CDK14: variants seen among roughly 807,000 people sequenced by gnomAD.
CDK14 encodes the protein cyclin dependent kinase 14, also known as cyclin-dependent kinase 14.
CDK14 carries 34 observed loss-of-function variants against 60.7 expected under a neutral mutation model. The ratio of observed to expected loss-of-function variants is 0.56; its 90% CI spans 0.43 to 0.75. CDK14 has a LOEUF of 0.75. Among genes scored for constraint, CDK14 ranks in the 30% least tolerant of loss-of-function variants. CDK14 has a pLI of 0.00. For synonymous variants in CDK14, 197 were observed against 203.7 expected (o/e 0.97, Z 0.28); for missense variants, 482 against 564.1 (o/e 0.85, Z 1.47).
intron 3 of CDK14, among the ~76,000 whole-genome samples, chr7:90,739,548 T>C (rs1803263284): frequency 6.6e-6 from 1 of 152,224 alleles, no homozygotes; most frequent in African/African-American, 2.4e-5. Flanking sequence ...ATATCGTTTT[T>C]AGAAAATTAT....
chr7:90,923,700 G>A (rs1793323968), intron 8 of CDK14, among the ~76,000 whole-genome samples: 1 of 152,212 alleles, frequency 6.6e-6, no homozygotes, highest in Admixed American at 6.5e-5. Context: ...GCATAGGACT[G>A]ATCATCTTAT....
chr7:90,822,419 T>G (rs1378936783), intron 5 of CDK14, among the ~76,000 whole-genome samples: 1 of 152,140 alleles, frequency 6.6e-6, no homozygotes, highest in East Asian at 1.9e-4. Context: ...AGCTGCTGTT[T>G]CCCTCTCCTC....
chr7:91,079,374 A>G, intron 11 of CDK14, 58 bp from the exon 12 acceptor site: 2 of 1,179,402 alleles, frequency 1.7e-6, no homozygotes, highest in South Asian at 1.4e-5. Flanking sequence ...TTTTCAACAT[A>G]CTTGTAATAT....
intron 4 of CDK14, among the ~76,000 whole-genome samples, chr7:90,765,516 A>G (rs189408161): frequency 1.3e-5 from 2 of 152,326 alleles, no homozygotes; most frequent in East Asian, 3.9e-4. Context: ...GAGAGTTTCA[A>G]AGAGCATGGA....
chr7:91,002,601 T>C (rs961980770), intron 10 of CDK14, among the ~76,000 whole-genome samples: 7 of 152,224 alleles, frequency 4.6e-5, no homozygotes, highest in African/African-American at 9.6e-5. Flanking sequence ...TGTCAGTTAC[T>C]GTGTTAGAAC....
At chr7:91,187,486 A>G (rs1367854029) in intron 14 of CDK14, among the ~76,000 whole-genome samples, 2 of 152,210 alleles carry the variant, frequency 1.3e-5, no homozygotes, top group African/African-American at 4.8e-5. Context: ...CAGGAAGAGT[A>G]AAGGAACCAA....
At chr7:90,671,728 T>G (rs1007988047) in intron 2 of CDK14, among the ~76,000 whole-genome samples, 7 of 152,238 alleles carry the variant, frequency 4.6e-5, no homozygotes, top group African/African-American at 1.7e-4. Context: ...TCTCTCCTGA[T>G]GCTCAATGGA....
intron 11 of CDK14, among the ~76,000 whole-genome samples, chr7:91,073,755 C>T (rs977601069): frequency 1.3e-5 from 2 of 150,812 alleles, no homozygotes; most frequent in Non-Finnish European, 2.9e-5. Context: ...CCCACGAGAC[C>T]CATCTCATGT....
chr7:91,032,181 C>T (rs1313108645), intron 10 of CDK14, among the ~76,000 whole-genome samples: 1 of 152,150 alleles, frequency 6.6e-6, no homozygotes, highest in South Asian at 2.1e-4. Context: ...GATGCACACT[C>T]ATAAAATAAT....
At chr7:90,784,508 C>G (rs1220284676) in intron 4 of CDK14, among the ~76,000 whole-genome samples, 1 of 152,100 alleles carries the variant, frequency 6.6e-6, no homozygotes, top group Non-Finnish European at 1.5e-5. Context: ...ATGTTTATAT[C>G]AATAGCATAT....
intron 2 of CDK14, among the ~76,000 whole-genome samples, chr7:90,606,139 A>G (rs1788483010): frequency 6.6e-6 from 1 of 152,158 alleles, no homozygotes. Flanking sequence ...GGAAATAATA[A>G]TTTTCCCACT....
intron 12 of CDK14, among the ~76,000 whole-genome samples, chr7:91,095,249 A>G (rs997598481): frequency 6.6e-6 from 1 of 152,224 alleles, no homozygotes; most frequent in Non-Finnish European, 1.5e-5. Context: ...CTTAGCGCCT[A>G]CAACAGAGCC....
At chr7:90,849,129 G>A (rs1487833487) in intron 5 of CDK14, among the ~76,000 whole-genome samples, 3 of 152,076 alleles carry the variant, frequency 2.0e-5, no homozygotes, top group Admixed American at 1.3e-4. Context: ...TCGTGGGGGC[G>A]GATCCCTCAT....
intron 10 of CDK14, among the ~76,000 whole-genome samples, chr7:91,005,810 T>C (rs900005582): frequency 6.6e-6 from 1 of 152,248 alleles, no homozygotes. Flanking sequence ...ATTAACGTTA[T>C]GTAAAACAGA....
At chr7:90,981,510 G>A (rs1365832050) in intron 9 of CDK14, among the ~76,000 whole-genome samples, 3 of 152,212 alleles carry the variant, frequency 2.0e-5, no homozygotes, top group African/African-American at 7.2e-5. Flanking sequence ...CAATAGGGAA[G>A]CAATTTCTGC....
At chr7:91,096,065 C>CAAAAA (rs112016367) in intron 12 of CDK14, among the ~76,000 whole-genome samples, 4,760 of 64,520 alleles carry the variant, frequency 0.074, 506 homozygotes, top group Non-Finnish European at 0.091. Context: ...CACAATTTGC[C>CAAAAA]AAAAAAAAAA....
intron 5 of CDK14, among the ~76,000 whole-genome samples, chr7:90,816,989 GT>G (rs1320941223): frequency 3.9e-5 from 6 of 152,166 alleles, no homozygotes; most frequent in Admixed American, 3.9e-4. Context: ...AGATCTGGCA[GT>G]GAATCACTTA....
intron 10 of CDK14, among the ~76,000 whole-genome samples, chr7:90,994,793 A>C (rs1795634432): frequency 6.6e-6 from 1 of 152,198 alleles, no homozygotes; most frequent in African/African-American, 2.4e-5. Context: ...TGGATGTGTC[A>C]GACTGAAAAA....
At chr7:91,063,997 T>C (rs996199966) in intron 11 of CDK14, among the ~76,000 whole-genome samples, 1 of 152,146 alleles carries the variant, frequency 6.6e-6, no homozygotes, top group African/African-American at 2.4e-5. Context: ...GTTATCCCAA[T>C]TTGAGATATG....
Sources: gnomAD v4.1 joint callset for allele counts (sites outside exome capture counted in the v4.1 genomes callset) on GRCh38, gnomAD v4.1.1 for gene constraint, MANE v1.5 for transcripts, NCBI Gene and HGNC (gene_info 2026-07-23, HGNC 2026-07-21) for gene names.